The following BMAL1 variants were observed in gnomAD, a reference collection of about 807,000 sequenced individuals.
BMAL1 encodes basic helix-loop-helix ARNT like 1, also known as basic helix-loop-helix ARNT-like protein 1.
At chr11:13,319,461 A>G in the BMAL1 span, among the ~76,000 whole-genome samples, 1 of 152,218 alleles carries the variant, frequency 6.6e-6, no homozygotes, top group Admixed American at 6.5e-5. Context: ...TGCTCTTCCT[A>G]GGAGCATCCC....
the BMAL1 span, among the ~76,000 whole-genome samples, chr11:13,289,983 G>GTTTA: frequency 0.077 from 11,726 of 152,144 alleles, 1,527 homozygotes; most frequent in African/African-American, 0.27. Context: ...GATTGAACTA[G>GTTTA]TTTACACTCC....
At chr11:13,280,573 A>AGG in the BMAL1 span, among the ~76,000 whole-genome samples, 1 of 152,260 alleles carries the variant, frequency 6.6e-6, no homozygotes, top group East Asian at 1.9e-4. Context: ...CAGTGATTTT[A>AGG]GGAAGCATCA....
chr11:13,310,477 C>T, the BMAL1 span, among the ~76,000 whole-genome samples: 9 of 152,258 alleles, frequency 5.9e-5, no homozygotes, highest in African/African-American at 1.2e-4. Context: ...AAAGGAGTCA[C>T]GGGCAAGAAC....
chr11:13,286,535 C>G, the BMAL1 span, among the ~76,000 whole-genome samples: 1 of 152,116 alleles, frequency 6.6e-6, no homozygotes, highest in African/African-American at 2.4e-5. Context: ...AGCAGGGAAA[C>G]GTAGATATAC....
the BMAL1 span, among the ~76,000 whole-genome samples, chr11:13,335,511 A>AG: frequency 1.3e-5 from 2 of 152,154 alleles, no homozygotes; most frequent in Non-Finnish European, 2.9e-5. Context: ...CTGGGGGAAG[A>AG]GGGGAAGGCA....
the BMAL1 span, chr11:13,366,815 C>A: frequency 6.3e-7 from 1 of 1,580,402 alleles, no homozygotes; most frequent in Non-Finnish European, 8.7e-7. Context: ...ATTTCCTCAG[C>A]AGCCCACTCA....
At chr11:13,340,483 G>C in the BMAL1 span, among the ~76,000 whole-genome samples, 10 of 152,182 alleles carry the variant, frequency 6.6e-5, no homozygotes, top group Non-Finnish European at 1.2e-4. Context: ...TTGTCTCTCT[G>C]TTTTATATTA....
At chr11:13,290,628 G>A in the BMAL1 span, among the ~76,000 whole-genome samples, 1 of 151,608 alleles carries the variant, frequency 6.6e-6, no homozygotes, top group Non-Finnish European at 1.5e-5. Context: ...CCTACCATAT[G>A]CCAGCAACTG....
chr11:13,366,818 C>T, the BMAL1 span: 4 of 1,572,836 alleles, frequency 2.5e-6, no homozygotes, highest in South Asian at 1.1e-5. Context: ...TCCTCAGCAG[C>T]CCACTCACAG....
chr11:13,380,617 A>G, the BMAL1 span: 1 of 152,386 alleles, frequency 6.6e-6, no homozygotes, highest in African/African-American at 2.4e-5. Flanking sequence ...CACTACTACT[A>G]GGCTACCTTT....
chr11:13,348,583 G>A, the BMAL1 span, among the ~76,000 whole-genome samples: 3 of 152,096 alleles, frequency 2.0e-5, no homozygotes, highest in Non-Finnish European at 2.9e-5. Context: ...CTAATTTGGG[G>A]GCTGGGAGGA....
At chr11:13,347,486 A>G in the BMAL1 span, among the ~76,000 whole-genome samples, 1 of 152,118 alleles carries the variant, frequency 6.6e-6, no homozygotes, top group African/African-American at 2.4e-5. Context: ...GTATTGGGAA[A>G]ATTGATCAAA....
At chr11:13,366,850 G>C in the BMAL1 span, 1 of 1,288,464 alleles carries the variant, frequency 7.8e-7, no homozygotes, top group African/African-American at 1.5e-5. Flanking sequence ...TGAGTGAGCA[G>C]AGGGCGGGTG....
the BMAL1 span, chr11:13,354,418 G>A: frequency 3.1e-6 from 5 of 1,614,036 alleles, no homozygotes; most frequent in Non-Finnish European, 4.2e-6. Context: ...GATTGCAACC[G>A]CAAACGGAAA....
the BMAL1 span, among the ~76,000 whole-genome samples, chr11:13,309,744 C>T: frequency 6.6e-6 from 1 of 152,210 alleles, no homozygotes; most frequent in South Asian, 2.1e-4. Context: ...AGAAGTTATG[C>T]CACAACGTGC....
chr11:13,284,224 ATATGTG>A, the BMAL1 span, among the ~76,000 whole-genome samples: 3,786 of 22,884 alleles, frequency 0.17, 465 homozygotes, highest in Admixed American at 0.32. Flanking sequence ...ATATATATAT[ATATGTG>A]TGTGTATATA....
the BMAL1 span, among the ~76,000 whole-genome samples, chr11:13,316,441 A>G: frequency 7.9e-5 from 12 of 152,336 alleles, no homozygotes; most frequent in East Asian, 2.3e-3. Flanking sequence ...TAGATACATC[A>G]TAGCTCTTGG....
the BMAL1 span, among the ~76,000 whole-genome samples, chr11:13,352,900 C>A: frequency 7.9e-5 from 12 of 152,252 alleles, no homozygotes; most frequent in African/African-American, 2.2e-4. Context: ...TAGGCAGGCA[C>A]CCTGCCCAAC....
At chr11:13,366,758 C>T in the BMAL1 span, 4 of 1,614,010 alleles carry the variant, frequency 2.5e-6, no homozygotes, top group Admixed American at 1.7e-5. Context: ...CACCGCACCC[C>T]GGGAGCGGCT....
Sources: allele counts gnomAD v4.1 joint callset (sites outside exome capture counted in the v4.1 genomes callset), GRCh38; gene constraint gnomAD v4.1.1; transcripts MANE v1.5; gene names NCBI Gene and HGNC (gene_info 2026-07-23, HGNC 2026-07-21).